Variants in VTI1A observed in about 807,000 individuals in gnomAD.
VTI1A encodes the protein vesicle transport through interaction with t-SNAREs 1A, also known as vesicle transport through interaction with t-SNAREs homolog 1A.
Under a neutral mutation model 34.9 loss-of-function variants are expected in VTI1A, and 22 were observed. That is an observed-to-expected ratio of 0.63 (90% CI 0.45 to 0.90). VTI1A has a LOEUF of 0.90. Among genes scored for constraint, VTI1A ranks in the 40% least tolerant of loss-of-function variants. VTI1A has a pLI of 0.00. For synonymous variants in VTI1A, 87 were observed against 97.3 expected (o/e 0.89, Z 0.62); for missense variants, 268 against 275.6 (o/e 0.97, Z 0.20).
At chr10:112,494,433 G>A (rs1387733328) in intron 3 of VTI1A, among the ~76,000 whole-genome samples, 1 of 151,814 alleles carries the variant, frequency 6.6e-6, no homozygotes, top group Non-Finnish European at 1.5e-5. Context: ...GGTTTCATTT[G>A]CTCTTCTTTT....
At chr10:112,747,176 C>G (rs989968193) in intron 7 of VTI1A, among the ~76,000 whole-genome samples, 4 of 152,244 alleles carry the variant, frequency 2.6e-5, no homozygotes, top group African/African-American at 9.6e-5. Flanking sequence ...CCTCCAAACA[C>G]TTCCCATAAA....
chr10:112,814,577 C>T lies in VTI1A; in HGVS notation c.561-713C>T, dbSNP rs148083410. On this transcript the variant is annotated intron_variant, in intron 7 of 7. Coordinates refer to ENST00000393077, the MANE Select transcript of VTI1A (RefSeq NM_145206.4). ...TTCTAAGTTGCTGGTTCCCCATCAG[C>T]GTGCAGCCCAGCCAGAACCCAGGGA... 4.7e-3 allele frequency among the ~76,000 whole-genome samples: 710 copies of T among 152,290 alleles called. 5 individuals carry two copies. The Middle Eastern group carries it at 0.061, about 13-fold the overall frequency.
At chr10:112,587,919 T>A (rs773166613) in intron 5 of VTI1A, among the ~76,000 whole-genome samples, 18 of 152,094 alleles carry the variant, frequency 1.2e-4, no homozygotes, top group Non-Finnish European at 2.1e-4. Context: ...AAGTGGTTTT[T>A]TTTTTTTACC....
At chr10:112,634,898 A>C (rs558709306) in intron 5 of VTI1A, among the ~76,000 whole-genome samples, 1 of 152,306 alleles carries the variant, frequency 6.6e-6, no homozygotes, top group East Asian at 1.9e-4. Flanking sequence ...CACAATCTGA[A>C]TACATAAACA....
chr10:112,454,139 A>G (rs890738217), intron 1 of VTI1A, among the ~76,000 whole-genome samples: 1 of 152,196 alleles, frequency 6.6e-6, no homozygotes, highest in East Asian at 1.9e-4. Context: ...GTTTGACCCT[A>G]CATTTCTAAG....
chr10:112,510,974 T>C (rs1277211089), intron 3 of VTI1A, among the ~76,000 whole-genome samples: 1 of 152,214 alleles, frequency 6.6e-6, no homozygotes, highest in Non-Finnish European at 1.5e-5. Flanking sequence ...TATCATTTCT[T>C]CAAGGATTTA....
At chr10:112,762,300 A>G (rs1851494656) in intron 7 of VTI1A, among the ~76,000 whole-genome samples, 1 of 152,196 alleles carries the variant, frequency 6.6e-6, no homozygotes, top group Admixed American at 6.5e-5. Context: ...CCAAAAAAGA[A>G]CAAAAAAAGT....
intron 7 of VTI1A, among the ~76,000 whole-genome samples, chr10:112,673,480 A>ACACACG (rs769082056): frequency 6.6e-5 from 10 of 151,686 alleles, no homozygotes; most frequent in South Asian, 4.2e-4. Context: ...ACACACACAC[A>ACACACG]CACGCACTCA....
chr10:112,504,471 C>A (rs1375487199), intron 3 of VTI1A, among the ~76,000 whole-genome samples: 18 of 151,686 alleles, frequency 1.2e-4, no homozygotes, highest in Admixed American at 1.2e-3. Context: ...GGAGAACTTT[C>A]CATATCAATA....
intron 7 of VTI1A, among the ~76,000 whole-genome samples, chr10:112,774,198 G>A (rs1851894027): frequency 6.6e-6 from 1 of 152,206 alleles, no homozygotes; most frequent in Admixed American, 6.5e-5. Flanking sequence ...GGAGCTGAGG[G>A]CACCAGAGAA....
At chr10:112,667,065 T>G (rs1847667081) in intron 5 of VTI1A, among the ~76,000 whole-genome samples, 1 of 150,434 alleles carries the variant, frequency 6.6e-6, no homozygotes, top group South Asian at 2.1e-4. Flanking sequence ...TCTATATTTT[T>G]AGGGTGTCCT....
In VTI1A at chr10:112,773,583, G is replaced by T. The variant is rs530562213; in HGVS notation, c.561-41707G>T. 7.3e-4 allele frequency among the ~76,000 whole-genome samples: 110 copies of T among 150,586 alleles called. 1 individual carries two copies. Among genetic ancestry groups the T allele is most frequent in the Middle Eastern group, 6.9e-3 (2 of 288 alleles). ...CACACCTCAACTCGGCTAAGGGTGT[G>T]CCTGGGAAGTGTTCACCCTCAACAC... is the stretch of plus-strand genomic sequence containing the variant. On this transcript the variant is annotated intron_variant, in intron 7 of 7. Transcript: ENST00000393077.
chr10:112,839,965 C>T, the VTI1A span, among the ~76,000 whole-genome samples: 90 of 152,220 alleles, frequency 5.9e-4, no homozygotes, highest in Admixed American at 2.7e-3. Flanking sequence ...ATCTTTGGGC[C>T]TCAGTTTCCT....
At chr10:112,784,661 G>A (rs1177130212) in intron 7 of VTI1A, among the ~76,000 whole-genome samples, 1 of 152,134 alleles carries the variant, frequency 6.6e-6, no homozygotes, top group Non-Finnish European at 1.5e-5. Flanking sequence ...GGTGTACTTA[G>A]CCTGTTCACA....
At chr10:112,618,524 T>TATATATATATAGAGAGAGAG (rs748276058) in intron 5 of VTI1A, among the ~76,000 whole-genome samples, 13 of 34,578 alleles carry the variant, frequency 3.8e-4, no homozygotes, top group Admixed American at 6.7e-4. Flanking sequence ...TATATATATA[T>TATATATATATAGAGAGAGAG]AGAGAGAGAG....
chr10:112,805,184 A>T (rs1484712888), intron 7 of VTI1A, among the ~76,000 whole-genome samples: 1 of 152,134 alleles, frequency 6.6e-6, no homozygotes. Context: ...TTTGGCTTTT[A>T]GATCATGAGT....
rs1357818910 is a variant in VTI1A at position 112,737,763 on chromosome 10, T to G, written c.560+68765T>G. ...GGCCGCCTTTCCTCTCAGGACATACTTCTGGAGATCAAAAAAAAAAATTAC... is the reference window on the plus strand; with the variant it reads ...GGCCGCCTTTCCTCTCAGGACATACGTCTGGAGATCAAAAAAAAAAATTAC... On this transcript the variant is annotated intron_variant, in intron 7 of 7. Coordinates refer to ENST00000393077, the MANE Select transcript of VTI1A (RefSeq NM_145206.4). 5 of 1,060,042 alleles carry G rather than the reference T, an allele frequency of 4.7e-6. No individual in the cohort carries two copies. In the East Asian group the frequency reaches 2.6e-4, roughly 54 times the overall value. The allele number at this position is 1,060,042 out of a possible 1,614,324, so 65.7% of individuals were successfully genotyped here.
chr10:112,666,524 A>G (rs1483039966), intron 5 of VTI1A, among the ~76,000 whole-genome samples: 2 of 152,202 alleles, frequency 1.3e-5, no homozygotes, highest in Non-Finnish European at 2.9e-5. Flanking sequence ...ATTCCTGGCC[A>G]TATCCCTGGC....
chr10:112,647,859 T>A (rs1846863758), intron 5 of VTI1A, among the ~76,000 whole-genome samples: 1 of 152,188 alleles, frequency 6.6e-6, no homozygotes, highest in African/African-American at 2.4e-5. Context: ...AACCTTCGCC[T>A]CCCGGGCTCA....
Sources: allele counts gnomAD v4.1 joint callset (sites outside exome capture counted in the v4.1 genomes callset), GRCh38; gene constraint gnomAD v4.1.1; transcripts MANE v1.5; gene names NCBI Gene and HGNC (gene_info 2026-07-23, HGNC 2026-07-21).